The following SYNE2 variants were observed in gnomAD, a reference collection of about 807,000 sequenced individuals.
SYNE2 encodes spectrin repeat containing nuclear envelope protein 2, also known as nesprin-2.
A neutral mutation model predicts 856.3 loss-of-function variants in SYNE2; 431 were observed. The observed-to-expected ratio is 0.50, with a 90% CI of 0.47 to 0.55. The LOEUF (loss-of-function observed/expected upper bound fraction) is 0.55. SYNE2 is among the 20% of genes least tolerant of loss of function. The pLI, the probability that SYNE2 is intolerant of heterozygous loss-of-function variation, is 0.00. For missense variants in SYNE2, 8,129 were observed against 8,023.2 expected (o/e 1.01, Z -0.50); for synonymous variants, 2,923 against 2,872.3 (o/e 1.02, Z -0.56).
intron 32 of SYNE2, among the ~76,000 whole-genome samples, chr14:64,010,693 A>T (rs996402572): frequency 9.9e-5 from 15 of 152,162 alleles, no homozygotes; most frequent in Admixed American, 3.9e-4. Flanking sequence ...ACTGCACTAT[A>T]TGACTCTACA....
intron 1 of SYNE2, among the ~76,000 whole-genome samples, chr14:63,845,572 T>C (rs1789258458): frequency 2.0e-5 from 3 of 152,274 alleles, no homozygotes; most frequent in Admixed American, 6.5e-5. Flanking sequence ...CCTCAAATAA[T>C]TGGCATGGTA....
rs574965562 is a variant in SYNE2 at position 63,926,925 on chromosome 14, C to T, written c.80-13689C>T. Among the ~76,000 whole-genome samples, 70 of 152,326 alleles carry T rather than the reference C, an allele frequency of 4.6e-4. 1 individual carries two copies. In the South Asian group the frequency reaches 6.0e-3, roughly 13 times the overall value. ...TGCAACACTTGAGCTCAGACCTAAGCATGACTAGAAGTTAACTGGTGAAGT... is the reference window on the plus strand; with the variant it reads ...TGCAACACTTGAGCTCAGACCTAAGTATGACTAGAAGTTAACTGGTGAAGT... On this transcript the variant is annotated intron_variant, in intron 2 of 115. Coordinates refer to ENST00000555002, the MANE Select transcript of SYNE2 (RefSeq NM_182914.3).
chr14:63,972,530 G>A (rs896813776), intron 11 of SYNE2, among the ~76,000 whole-genome samples: 1 of 152,140 alleles, frequency 6.6e-6, no homozygotes, highest in African/African-American at 2.4e-5. Flanking sequence ...AATAGTTTGA[G>A]AACAGAGATT....
At chr14:63,921,289 C>T (rs2095598260) in intron 2 of SYNE2, among the ~76,000 whole-genome samples, 1 of 151,844 alleles carries the variant, frequency 6.6e-6, no homozygotes, top group Non-Finnish European at 1.5e-5. Flanking sequence ...ATGGAATAAC[C>T]ACATGGAAAT....
At chr14:63,814,083 A>G (rs979665300) in intron 1 of SYNE2, among the ~76,000 whole-genome samples, 1 of 151,334 alleles carries the variant, frequency 6.6e-6, no homozygotes, top group East Asian at 1.9e-4. Flanking sequence ...AACAACAACA[A>G]CAACAACAGC....
At chr14:63,791,958 A>AT (rs953766419) in intron 1 of SYNE2, among the ~76,000 whole-genome samples, 1 of 151,586 alleles carries the variant, frequency 6.6e-6, no homozygotes, top group African/African-American at 2.4e-5. Flanking sequence ...AAAAAAACAA[A>AT]AACAAAACTT....
rs551882117 is a variant in SYNE2 at position 64,061,367 on chromosome 14, G to C, written c.10068-1384G>C. Among the ~76,000 whole-genome samples, 4 of 152,318 alleles carry C rather than the reference G, an allele frequency of 2.6e-5. No individual in the cohort carries two copies. The South Asian group carries it at 8.3e-4, about 32-fold the overall frequency. ...CAGTGCTACTTGGGAAAATTTTTAAGTGTAATAACTTCCCTTGGGTAAATA... is the reference window on the plus strand; with the variant it reads ...CAGTGCTACTTGGGAAAATTTTTAACTGTAATAACTTCCCTTGGGTAAATA... On this transcript the variant is annotated intron_variant, in intron 49 of 115. Transcript: ENST00000555002.
At chr14:63,844,839 G>A (rs1890178750) in intron 1 of SYNE2, among the ~76,000 whole-genome samples, 1 of 152,096 alleles carries the variant, frequency 6.6e-6, no homozygotes, top group Non-Finnish European at 1.5e-5. Flanking sequence ...GAGGCTGGGA[G>A]TTCAGGACCA....
intron 96 of SYNE2, among the ~76,000 whole-genome samples, chr14:64,185,519 C>CTTTTTTTTTTTTTTTTTTTTTTTTTTTTT (rs66490444): frequency 1.0e-4 from 8 of 77,478 alleles, no homozygotes; most frequent in East Asian, 3.6e-4. Flanking sequence ...TTTTCTTTTT[C>CTTTTTTTTTTTTTTTTTTTTTTTTTTTTT]TTTTTTTTTT....
chr14:64,141,522 A>G lies in SYNE2; in HGVS notation c.15158A>G (p.Gln5053Arg), dbSNP rs2098139088. 9 of 1,613,868 alleles carry G rather than the reference A, an allele frequency of 5.6e-6. No homozygotes were observed. Among genetic ancestry groups the G allele is most frequent in the Non-Finnish European group, 7.6e-6 (9 of 1,179,876 alleles). The change falls in exon 81 of 116, where the codon CAG becomes CGG. Residue 5053 changes from glutamine (Q) to arginine (R), a missense_variant and splice_region_variant. By Grantham distance (43) the Gln-to-Arg change is conservative. Around this residue, in one of 3 missense-constraint regions of SYNE2, gnomAD observed 5,410 missense variants for 5,284.8 expected, o/e 1.02. Transcript: ENST00000555002. ...CCAGATATTCAAGAAAAACTTCACC[A>G]GGTAAGTCTTTAGAGCCTCAGCATT... is the stretch of plus-strand genomic sequence containing the variant. Reference protein sequence around the residue: ...QLPDIQEKLHQLQMEKLPSRK... With the variant: ...QLPDIQEKLHRLQMEKLPSRK...
intron 65 of SYNE2, among the ~76,000 whole-genome samples, chr14:64,110,593 C>T (rs2097798050): frequency 7.2e-6 from 1 of 138,478 alleles, no homozygotes; most frequent in African/African-American, 2.8e-5. Flanking sequence ...TTTACACCCC[C>T]CCCCCCCCGC....
At chr14:64,042,105 A>G (rs936454170) in intron 45 of SYNE2, among the ~76,000 whole-genome samples, 4 of 152,228 alleles carry the variant, frequency 2.6e-5, no homozygotes, top group African/African-American at 9.6e-5. Context: ...TGTTTTCCAC[A>G]GTAGTCTAAC....
Position 64,087,759 on chromosome 14 carries a change from A to G in SYNE2, c.11573A>G (p.Asp3858Gly), listed in dbSNP as rs768383932. 5 of 1,614,178 alleles carry G rather than the reference A, an allele frequency of 3.1e-6. No individual in the cohort carries two copies. The highest frequency in any genetic ancestry group is 3.4e-6 in the Non-Finnish European group (4 of 1,180,012). Residue 3858 changes from aspartate (D) to glycine (G), a missense_variant, in exon 58 of 116, where the codon GAT (aspartate) becomes GGT (glycine). Coordinates refer to ENST00000555002, the MANE Select transcript of SYNE2 (RefSeq NM_182914.3). ...GACCTGTCAATAATTTTTGAAACAG[A>G]TGAATTAACCCAATCCATACAAGAG... ...LEDLSIIFET[D>G]ELTQSIQELS...
intron 11 of SYNE2, among the ~76,000 whole-genome samples, chr14:63,969,333 TA>T (rs2096442893): frequency 4.7e-5 from 5 of 105,968 alleles, no homozygotes; most frequent in Non-Finnish European, 7.1e-5. Context: ...CATGCCTGGC[TA>T]ATTTTTTTTT....
At chr14:64,124,474 C>T (rs1323116475) in intron 70 of SYNE2, among the ~76,000 whole-genome samples, 2 of 151,484 alleles carry the variant, frequency 1.3e-5, no homozygotes, top group Non-Finnish European at 2.9e-5. Context: ...ATCCTCCCAC[C>T]TCTACTTGCA....
chr14:63,899,193 G>A (rs148603231), intron 1 of SYNE2, among the ~76,000 whole-genome samples: 14 of 151,644 alleles, frequency 9.2e-5, no homozygotes, highest in Non-Finnish European at 1.8e-4. Flanking sequence ...AGCTTTGGAA[G>A]TTTTCATCCT....
chr14:64,169,409 A>C (rs573180013), intron 93 of SYNE2, among the ~76,000 whole-genome samples: 3 of 152,350 alleles, frequency 2.0e-5, no homozygotes, highest in African/African-American at 7.2e-5. Flanking sequence ...CTTTCTCTCC[A>C]TGCTACATAT....
intron 6 of SYNE2, among the ~76,000 whole-genome samples, chr14:63,948,174 C>T (rs1238872021): frequency 2.1e-5 from 3 of 145,062 alleles, no homozygotes; most frequent in South Asian, 4.3e-4. Flanking sequence ...CATACACACA[C>T]ACACACACAC....
chr14:64,064,369 A>G (rs2097341457), intron 50 of SYNE2, among the ~76,000 whole-genome samples: 1 of 152,160 alleles, frequency 6.6e-6, no homozygotes, highest in Admixed American at 6.5e-5. Context: ...TCATCACACT[A>G]GTCAGAATAG....
Sources: allele counts gnomAD v4.1 joint callset (sites outside exome capture counted in the v4.1 genomes callset), GRCh38; gene constraint gnomAD v4.1.1; regional missense constraint gnomAD v4.1.1; transcripts MANE v1.5; gene names NCBI Gene and HGNC (gene_info 2026-07-23, HGNC 2026-07-21).